The following PAK1 variants were observed in gnomAD, a reference collection of about 807,000 sequenced individuals.
The protein encoded by PAK1 is serine/threonine-protein kinase PAK 1.
PAK1 carries 29 observed loss-of-function variants against 67.4 expected under a neutral mutation model. The observed-to-expected ratio is 0.43, with a 90% CI of 0.32 to 0.59. The LOEUF is 0.59. PAK1 is among the 20% of genes least tolerant of loss of function. The pLI is 0.07. For synonymous variants in PAK1, 223 were observed against 237.4 expected (o/e 0.94, Z 0.56); for missense variants, 337 against 670.7 (o/e 0.50, Z 5.50).
At chr11:77,426,134 G>A (rs1199391910) in intron 1 of PAK1, among the ~76,000 whole-genome samples, 1 of 126,194 alleles carries the variant, frequency 7.9e-6, no homozygotes, top group South Asian at 2.6e-4. Context: ...GACTTGTTAA[G>A]AACAAAAGGA....
At chr11:77,394,036 C>T (rs2137487936) in intron 1 of PAK1, among the ~76,000 whole-genome samples, 1 of 152,200 alleles carries the variant, frequency 6.6e-6, no homozygotes, top group African/African-American at 2.4e-5. Flanking sequence ...TTTCCTATCA[C>T]ATGTTATCAA....
chr11:77,369,440 A>ATTT (rs1948094447), intron 5 of PAK1, among the ~76,000 whole-genome samples: 2 of 106,042 alleles, frequency 1.9e-5, no homozygotes, highest in South Asian at 3.0e-4. Context: ...AACCTTATAC[A>ATTT]TTTCTTTTTT....
the PAK1 span, among the ~76,000 whole-genome samples, chr11:77,501,162 C>CA: frequency 6.8e-6 from 1 of 146,022 alleles, no homozygotes; most frequent in Admixed American, 6.7e-5. Context: ...AAAAAAAAAA[C>CA]AAAAAACAAA....
At chr11:77,527,126 G>A in the PAK1 span, among the ~76,000 whole-genome samples, 7 of 152,052 alleles carry the variant, frequency 4.6e-5, no homozygotes, top group African/African-American at 1.5e-4. Context: ...CTTTCGAGAC[G>A]GGTTCTCACT....
At chr11:77,435,386 G>A (rs967165707) in intron 1 of PAK1, among the ~76,000 whole-genome samples, 1 of 152,112 alleles carries the variant, frequency 6.6e-6, no homozygotes, top group Admixed American at 6.6e-5. Flanking sequence ...TGTAAAGTTA[G>A]GATAAAAATA....
chr11:77,374,488 G>A, intron 4 of PAK1, 123 bp from the exon 5 acceptor site: 1 of 679,018 alleles, frequency 1.5e-6, no homozygotes, highest in Non-Finnish European at 2.6e-6. Flanking sequence ...TAGTATGACT[G>A]GTACTACAGG....
In PAK1 at chr11:77,429,056, TAAAAAAAA is replaced by T. The variant is rs566874549; in HGVS notation, c.-21-36523_-21-36516del. Reference sequence around the variant, plus strand: ...TTGGATTCTAAATGCCATTTAATACTAAAAAAAAAAAAAAAAAAAAAAAAAAAAAAAAA... The same window carrying T: ...TTGGATTCTAAATGCCATTTAATACTAAAAAAAAAAAAAAAAAAAAAAAAA... On this transcript the variant is annotated intron_variant, in intron 1 of 14. Transcript: ENST00000356341. Among the ~76,000 whole-genome samples, 218 of 48,920 alleles carry T rather than the reference TAAAAAAAA, an allele frequency of 4.5e-3. 3 individuals carry two copies. Among genetic ancestry groups the T allele is most frequent in the Middle Eastern group, 0.02 (2 of 98 alleles). The allele number at this position is 48,920 out of a possible 152,430, so 32.1% of individuals were successfully genotyped here. A position where few individuals can be genotyped will look rare whatever the true frequency, so the allele number is the denominator to read the frequency against.
intron 11 of PAK1, 98 bp downstream of exon 11, chr11:77,340,548 C>A: frequency 1.4e-6 from 1 of 738,328 alleles, no homozygotes; most frequent in Non-Finnish European, 2.5e-6. Context: ...CTACCAATTC[C>A]ACAGAGCCCA....
chr11:77,435,056 G>A (rs530461436), intron 1 of PAK1, among the ~76,000 whole-genome samples: 2 of 145,446 alleles, frequency 1.4e-5, no homozygotes, highest in Admixed American at 7.0e-5. Flanking sequence ...GAGCCACTAT[G>A]CCCAGCCAAG....
chr11:77,369,465 T>G (rs1279286199), intron 5 of PAK1, among the ~76,000 whole-genome samples: 1 of 124,882 alleles, frequency 8.0e-6, no homozygotes, highest in African/African-American at 3.4e-5. Flanking sequence ...TTTTTTTTTT[T>G]GAGATGGAGT....
At chr11:77,419,646 G>T (rs1955153017) in intron 1 of PAK1, among the ~76,000 whole-genome samples, 1 of 152,124 alleles carries the variant, frequency 6.6e-6, no homozygotes, top group African/African-American at 2.4e-5. Context: ...ATTTTTACTG[G>T]GTTCTTTTGC....
intron 10 of PAK1, among the ~76,000 whole-genome samples, chr11:77,342,943 T>C (rs1244779067): frequency 6.6e-6 from 1 of 151,668 alleles, no homozygotes; most frequent in African/African-American, 2.4e-5. Flanking sequence ...AGGTGCTAGA[T>C]ATTGGTGCTA....
chr11:77,346,585 A>C (rs534577864), intron 9 of PAK1, among the ~76,000 whole-genome samples: 1 of 152,340 alleles, frequency 6.6e-6, no homozygotes, highest in East Asian at 1.9e-4. Flanking sequence ...TTAAGCAATA[A>C]ATTTAGACAA....
chr11:77,527,868 C>T, the PAK1 span, among the ~76,000 whole-genome samples: 5 of 151,380 alleles, frequency 3.3e-5, no homozygotes, highest in Non-Finnish European at 5.9e-5. Flanking sequence ...CTTTTTGAGA[C>T]AGGGTCTCGC....
intron 1 of PAK1, among the ~76,000 whole-genome samples, chr11:77,413,576 G>C (rs532098887): frequency 2.5e-4 from 38 of 152,086 alleles, no homozygotes; most frequent in African/African-American, 7.7e-4. Flanking sequence ...CCAGCTACTC[G>C]GGAGGCTGAG....
At chr11:77,358,772 T>C in intron 6 of PAK1, 126 bp downstream of exon 6, 1 of 888,204 alleles carries the variant, frequency 1.1e-6, no homozygotes, top group Non-Finnish European at 1.8e-6. Context: ...AGTTCAGTGA[T>C]TTCACCAGCT....
At chr11:77,421,308 G>A (rs1303987753) in intron 1 of PAK1, among the ~76,000 whole-genome samples, 1 of 152,154 alleles carries the variant, frequency 6.6e-6, no homozygotes, top group Non-Finnish European at 1.5e-5. Flanking sequence ...TTTCCCCTCA[G>A]ATAACCATAT....
At chr11:77,347,067 A>C (rs988850607) in intron 9 of PAK1, 3 of 456,142 alleles carry the variant, frequency 6.6e-6, no homozygotes, top group African/African-American at 6.0e-5. Context: ...ACTCCAATAA[A>C]GATTTATTCT....
chr11:77,405,579 A>C (rs949686344), intron 1 of PAK1, among the ~76,000 whole-genome samples: 4 of 151,862 alleles, frequency 2.6e-5, no homozygotes, highest in African/African-American at 9.7e-5. Flanking sequence ...AAAAATTAAG[A>C]TGGTATCTAA....
Sources: allele counts gnomAD v4.1 joint callset (sites outside exome capture counted in the v4.1 genomes callset), GRCh38; gene constraint gnomAD v4.1.1; transcripts MANE v1.5; gene names NCBI Gene and HGNC (gene_info 2026-07-23, HGNC 2026-07-21).